Variants in PCDH11Y observed in about 807,000 individuals in gnomAD.
PCDH11Y encodes the protein protocadherin-11 Y-linked.
For synonymous variants in PCDH11Y, 9 were observed against 83.6 expected (o/e 0.11, Z 4.87); for missense variants, 12 against 224.8 (o/e 0.05, Z 6.05).
intron 2 of PCDH11Y, among the ~76,000 whole-genome samples, chrY:5,403,316 A>C: frequency 6.0e-5 from 2 of 33,377 alleles, no homozygotes; most frequent in Non-Finnish European, 1.5e-4. Context: ...GTATTTTAGT[A>C]AATTTTGTAT....
chrY:5,108,696 G>A (rs35422599), downstream of PCDH11Y, among the ~76,000 whole-genome samples: 1 of 23,080 alleles, frequency 4.3e-5, no homozygotes, highest in South Asian at 1.1e-3. Flanking sequence ...GCAGTGAGCC[G>A]AGATGGCGCC....
intron 2 of PCDH11Y, among the ~76,000 whole-genome samples, chrY:5,302,403 T>G: frequency 3.1e-5 from 1 of 32,325 alleles, no homozygotes; most frequent in Non-Finnish European, 7.6e-5. Context: ...TATTTCCAGT[T>G]TGGCAAATTC....
chrY:5,462,408 A>G, intron 2 of PCDH11Y, among the ~76,000 whole-genome samples: 1 of 32,654 alleles, frequency 3.1e-5, no homozygotes, highest in African/African-American at 1.2e-4. Flanking sequence ...AACAAAATAT[A>G]CAAATAAGTA....
At chrY:5,507,158 T>C in intron 3 of PCDH11Y, among the ~76,000 whole-genome samples, 1 of 33,050 alleles carries the variant, frequency 3.0e-5, no homozygotes, top group Admixed American at 2.8e-4. Flanking sequence ...GTAGTTTTTA[T>C]AATAAATGTG....
chrY:5,505,386 C>T, intron 3 of PCDH11Y, among the ~76,000 whole-genome samples: 9 of 32,507 alleles, frequency 2.8e-4, no homozygotes, highest in African/African-American at 8.3e-4. Context: ...GATCATTTCA[C>T]GCATGAAGTC....
intron 3 of PCDH11Y, among the ~76,000 whole-genome samples, chrY:5,579,921 T>G: frequency 3.3e-5 from 1 of 30,764 alleles, no homozygotes; most frequent in Non-Finnish European, 7.9e-5. Flanking sequence ...TTAGTGGTTG[T>G]TAGTATATAA....
At chrY:5,495,786 C>G in intron 2 of PCDH11Y, among the ~76,000 whole-genome samples, 1 of 33,204 alleles carries the variant, frequency 3.0e-5, no homozygotes, top group East Asian at 7.9e-4. Context: ...TTAACCTGTC[C>G]GAAATGCCAC....
chrY:5,347,669 T>C, intron 2 of PCDH11Y, among the ~76,000 whole-genome samples: 1 of 32,914 alleles, frequency 3.0e-5, no homozygotes, highest in South Asian at 6.8e-4. Flanking sequence ...TGTTGGCCTA[T>C]GTAAACTTCT....
At chrY:5,116,435 G>A (rs2124639607) in intron 2 of PCDH11Y, among the ~76,000 whole-genome samples, 1 of 33,207 alleles carries the variant, frequency 3.0e-5, no homozygotes, top group Non-Finnish European at 7.4e-5. Context: ...GGTAATAGAG[G>A]GTCATTATAA....
Position 5,622,997 on chromosome Y carries a change from A to G in PCDH11Y, c.3352+41199A>G, listed in dbSNP as rs2053502235. 5 of 114,448 alleles carry G rather than the reference A, an allele frequency of 4.4e-5. No homozygotes were observed. The African/African-American group carries it at 5.1e-4, about 12-fold the overall frequency. The allele number at this position is 114,448 out of a possible 400,897, so 28.5% of individuals were successfully genotyped here. On this transcript the variant is annotated intron_variant, in intron 4 of 4. Transcript: ENST00000400457. ...TCTGCGCAGTAAACCACGATGGCAC[A>G]TGTTTATTTATGTAACAATCCTGCA...
chrY:5,257,654 G>A, intron 2 of PCDH11Y, among the ~76,000 whole-genome samples: 1 of 31,896 alleles, frequency 3.1e-5, no homozygotes, highest in Non-Finnish European at 7.6e-5. Flanking sequence ...AAGTCACTGG[G>A]CCCAGCAAAT....
chrY:5,642,099 T>C, intron 4 of PCDH11Y, among the ~76,000 whole-genome samples: 10 of 32,822 alleles, frequency 3.0e-4, no homozygotes, highest in African/African-American at 1.2e-3. Flanking sequence ...ATAATGCTTC[T>C]CCCAGAACTT....
At chrY:5,692,633 T>G in intron 4 of PCDH11Y, among the ~76,000 whole-genome samples, 1 of 32,915 alleles carries the variant, frequency 3.0e-5, no homozygotes, top group Admixed American at 2.8e-4. Flanking sequence ...GAGTTCTGAG[T>G]GGACACTCAT....
chrY:5,544,574 A>G, intron 3 of PCDH11Y, among the ~76,000 whole-genome samples: 1 of 32,614 alleles, frequency 3.1e-5, no homozygotes, highest in Non-Finnish European at 7.7e-5. Context: ...ATAGAACTCA[A>G]TTTTTGTTTT....
intron 2 of PCDH11Y, among the ~76,000 whole-genome samples, chrY:5,491,432 T>C: frequency 3.0e-5 from 1 of 33,222 alleles, no homozygotes; most frequent in Non-Finnish European, 7.4e-5. Flanking sequence ...ACAAAGCATC[T>C]CTTCACTTTG....
chrY:5,195,220 G>A, intron 2 of PCDH11Y, among the ~76,000 whole-genome samples: 5 of 33,488 alleles, frequency 1.5e-4, no homozygotes, highest in South Asian at 6.7e-4. Flanking sequence ...TAGTGCAGCC[G>A]CTCCTAGGCA....
At chrY:5,734,409 T>G in intron 4 of PCDH11Y, among the ~76,000 whole-genome samples, 1 of 33,185 alleles carries the variant, frequency 3.0e-5, no homozygotes, top group Non-Finnish European at 7.5e-5. Flanking sequence ...TGGCACCCAT[T>G]AATGGCATAC....
At position 5,226,175 on chromosome Y, in the gene PCDH11Y, C is replaced by A. The variant is rs1290741848; in HGVS notation, c.3129+125468C>A. Among the ~76,000 whole-genome samples the A allele has an allele frequency of 3.9e-4, 11 of 28,314 alleles. No homozygotes were observed. The East Asian group carries it at 0.01, about 27-fold the overall frequency. The allele number at this position is 28,314 out of a possible 37,273, so 76.0% of individuals were successfully genotyped here. ...TACAGGCATGCACCACCATGCCTAG[C>A]TAAATTTGTGTTTTTAGTAGAGATG... On this transcript the variant is annotated intron_variant, in intron 2 of 4. Transcript: ENST00000400457.
intron 2 of PCDH11Y, among the ~76,000 whole-genome samples, chrY:5,195,303 GA>G (rs2052917614): frequency 6.0e-5 from 2 of 33,567 alleles, no homozygotes; most frequent in African/African-American, 2.3e-4. Flanking sequence ...GATGCAACAG[GA>G]AAATATTCAG....
Sources: allele counts gnomAD v4.1 joint callset (sites outside exome capture counted in the v4.1 genomes callset), GRCh38; gene constraint gnomAD v4.1.1; transcripts MANE v1.5; gene names NCBI Gene and HGNC (gene_info 2026-07-23, HGNC 2026-07-21).